NIBAN3: variants seen among roughly 807,000 people sequenced by gnomAD.
NIBAN3 encodes the protein protein Niban 3.
A neutral mutation model predicts 76.4 loss-of-function variants in NIBAN3; 66 were observed. That is an observed-to-expected ratio of 0.86 (90% confidence interval 0.71 to 1.06). The LOEUF (loss-of-function observed/expected upper bound fraction) is 1.06, where lower values mean the gene tolerates loss of function less well. Among genes scored for constraint, NIBAN3 ranks in the 50% least tolerant of loss-of-function variants. The pLI, the probability that NIBAN3 is intolerant of heterozygous loss-of-function variation, is 0.00. For missense variants in NIBAN3, 808 were observed against 810.7 expected (o/e 1.00, Z 0.04); for synonymous variants, 360 against 355.2 (o/e 1.01, Z -0.15).
rs1473884680 is a variant in NIBAN3, at chr19:17,539,220, A to C, written c.666A>C (p.Gln222His). 1.9e-6 allele frequency: 3 copies of C among 1,609,016 alleles called. No individual in the cohort carries two copies. The African/African-American group carries it at 4.0e-5, about 21-fold the overall frequency. The change falls in exon 6 of 15, where the codon CAA becomes CAC. Residue 222 changes from glutamine to histidine, a missense_variant. By Grantham distance (24) the Gln-to-His change is conservative. Coordinates refer to ENST00000599164, the MANE Select transcript of NIBAN3 (RefSeq NM_001321827.2). ...LDAVRLYRQH[Q>H]GHFGDDDVTL... is the part of the protein sequence containing the mutation. ...CCGTCCGACTCTACCGGCAGCACCA[A>C]GGCCACTTTGGCGACGACGACGTGA...
intron 12 of NIBAN3, among the ~76,000 whole-genome samples, chr19:17,544,718 C>T (rs1335493770): frequency 6.6e-6 from 1 of 152,166 alleles, no homozygotes; most frequent in Non-Finnish European, 1.5e-5. Flanking sequence ...TCCTAGGTAC[C>T]TAGGCACACA....
rs1318606916 is a variant in NIBAN3 at position 17,543,447 on chromosome 19, G to A, written c.1446+14G>A. ...CGCGTGCTGAAGGTGTGTTCTGTGG[G>A]TACGGGGTGGCATGGGGTGGCAGTG... On this transcript the variant is annotated intron_variant, in intron 11 of 14. Coordinates refer to ENST00000599164, the MANE Select transcript of NIBAN3 (RefSeq NM_001321827.2). The A allele has an allele frequency of 1.2e-6, 2 of 1,611,578 alleles. No homozygotes were observed. Among genetic ancestry groups the A allele is most frequent in the African/African-American group, 1.3e-5 (1 of 74,874 alleles).
intron 14 of NIBAN3, chr19:17,549,942 G>A (rs755511708): frequency 4.8e-5 from 17 of 353,102 alleles, no homozygotes; most frequent in East Asian, 9.0e-5. Flanking sequence ...TCAGCCTCCC[G>A]AGTAGCTGGG....
intron 3 of NIBAN3, among the ~76,000 whole-genome samples, chr19:17,532,768 T>A (rs2075753190): frequency 6.6e-6 from 1 of 152,092 alleles, no homozygotes; most frequent in Non-Finnish European, 1.5e-5. Flanking sequence ...CATGTAGGGC[T>A]TTGAGGGTTC....
chr19:17,540,228 C>A, intron 8 of NIBAN3, 164 bp from the exon 9 acceptor site: 1 of 483,510 alleles, frequency 2.1e-6, no homozygotes, highest in Non-Finnish European at 3.5e-6. Flanking sequence ...GGTGGGAATC[C>A]TGACTGGGCC....
upstream of NIBAN3, among the ~76,000 whole-genome samples, chr19:17,523,843 G>A (rs766595235): frequency 1.2e-4 from 19 of 152,142 alleles, no homozygotes; most frequent in Non-Finnish European, 2.5e-4. Flanking sequence ...TGCTGAGCCC[G>A]CTGCCCGGTA....
intron 1 of NIBAN3, among the ~76,000 whole-genome samples, chr19:17,527,721 A>G (rs552324872): frequency 2.0e-5 from 3 of 148,674 alleles, no homozygotes; most frequent in Admixed American, 6.7e-5. Flanking sequence ...TAATTATTTC[A>G]TTGGTTGTTT....
At position 17,539,182 on chromosome 19, in the gene NIBAN3, G is replaced by C; in HGVS notation, c.628G>C (p.Ala210Pro). ...GCGAAGCCAGGCCCCTGCTGCCCGG[G>C]CCTTCCTGGACGCCGTCCGACTCTA... ...LQRSQAPAAR[A>P]FLDAVRLYRQ... The change falls in exon 6 of 15, where the codon GCC (alanine) becomes CCC (proline). Residue 210 changes from alanine (A) to proline (P), a missense_variant. Ala to Pro is a conservative substitution (Grantham distance 27). Transcript: ENST00000599164. The C allele has an allele frequency of 6.2e-7, 1 of 1,603,430 alleles. No individual in the cohort carries two copies. The highest frequency in any genetic ancestry group is 8.5e-7 in the Non-Finnish European group (1 of 1,175,624).
At chr19:17,545,180 A>G (rs1466016666) in intron 12 of NIBAN3, 6 of 143,388 alleles carry the variant, frequency 4.2e-5, no homozygotes, top group Non-Finnish European at 8.7e-5. Flanking sequence ...ATTTTATTTT[A>G]TTTTATTTTA....
chr19:17,533,829 C>T (rs1057455602), intron 4 of NIBAN3, 128 bp downstream of exon 4: 11 of 681,098 alleles, frequency 1.6e-5, no homozygotes, highest in Non-Finnish European at 2.5e-5. Flanking sequence ...CCCTGGCTTC[C>T]ACCCACTCCC....
chr19:17,540,447 G>T lies in NIBAN3; in HGVS notation c.1035G>T (p.Leu345=). 2 of 1,568,008 alleles carry T rather than the reference G, an allele frequency of 1.3e-6. No homozygotes were observed. The highest frequency in any genetic ancestry group is 1.7e-6 in the Non-Finnish European group (2 of 1,156,760). Residue 345 remains leucine (L), a synonymous_variant, in exon 9 of 15, where the codon CTG becomes CTT. Transcript: ENST00000599164. ...SCLRREVDPQ[L]PRVVQTLLRT... ...TGCGCCGGGAGGTGGACCCGCAGCT[G>T]CCCCGGGTCGTGCAGACCCTGCTGC...
At position 17,539,141 on chromosome 19, in the gene NIBAN3, C is replaced by T; in HGVS notation, c.596-9C>T. 1.3e-6 allele frequency: 2 copies of T among 1,569,444 alleles called. No homozygotes were observed. On this transcript the variant is annotated splice_polypyrimidine_tract_variant and intron_variant, in intron 5 of 14. Coordinates refer to ENST00000599164, the MANE Select transcript of NIBAN3 (RefSeq NM_001321827.2). ...CTACCAGCAGGCACTGAGGAGCAGC[C>T]CCTCTCAGTCCTGCAGCGAAGCCAG...
chr19:17,536,588 T>C (rs542547984), intron 4 of NIBAN3, among the ~76,000 whole-genome samples: 125 of 152,212 alleles, frequency 8.2e-4, no homozygotes, highest in African/African-American at 2.8e-3. Flanking sequence ...CATATACTTA[T>C]GTTTTTAATA....
intron 4 of NIBAN3, among the ~76,000 whole-genome samples, 168 bp from the exon 5 acceptor site, chr19:17,537,208 A>G (rs1428996753): frequency 6.6e-6 from 1 of 152,180 alleles, no homozygotes; most frequent in Non-Finnish European, 1.5e-5. Context: ...GCCTCCCCCA[A>G]AACTGTGCCC....
At chr19:17,538,704 G>GGAGAAAGGAAAGAAAAAGAA (rs2075872459) in intron 5 of NIBAN3, among the ~76,000 whole-genome samples, 1 of 39,616 alleles carries the variant, frequency 2.5e-5, no homozygotes, top group African/African-American at 6.4e-5. Flanking sequence ...AAAAAGAAAA[G>GGAGAAAGGAAAGAAAAAGAA]AAAGGAGAAA....
chr19:17,525,060 G>T (rs1463907540), upstream of NIBAN3, among the ~76,000 whole-genome samples: 1 of 152,020 alleles, frequency 6.6e-6, no homozygotes, highest in Non-Finnish European at 1.5e-5. Flanking sequence ...TCTATTCATC[G>T]ATGACCTGCC....
At chr19:17,528,784 C>T (rs1017551402) in intron 1 of NIBAN3, among the ~76,000 whole-genome samples, 9 of 151,900 alleles carry the variant, frequency 5.9e-5, no homozygotes, top group African/African-American at 1.2e-4. Context: ...TGGCACAGAA[C>T]GGCTGCTGGA....
Position 17,542,360 on chromosome 19 carries a change from A to T in NIBAN3, c.1329+66A>T, listed in dbSNP as rs940953011. ...GACAGCCTCCACTGACCTCCTGCTA[A>T]GTGTGCCCTGGAGAGACCACGATGA... On this transcript the variant is annotated intron_variant, in intron 10 of 14. Transcript: ENST00000599164. This position sits in a 1 kb window ranked among gnomAD's most constrained non-coding sequence, Gnocchi z 4.8. The T allele has an allele frequency of 2.0e-6, 3 of 1,508,348 alleles. No individual in the cohort carries two copies. Among genetic ancestry groups the T allele is most frequent in the African/African-American group, 2.8e-5 (2 of 72,072 alleles). The allele number at this position is 1,508,348 out of a possible 1,614,324, so 93.4% of individuals were successfully genotyped here.
intron 13 of NIBAN3, 35 bp downstream of exon 13, chr19:17,546,832 G>T (rs1244569289): frequency 6.4e-7 from 1 of 1,560,486 alleles, no homozygotes; most frequent in Non-Finnish European, 8.7e-7. Context: ...AGAGGAGCCT[G>T]GCGTCCCTTG....
Sources: allele counts gnomAD v4.1 joint callset (sites outside exome capture counted in the v4.1 genomes callset), GRCh38; gene constraint gnomAD v4.1.1; non-coding constraint Gnocchi (gnomAD v3.1); transcripts MANE v1.5; gene names NCBI Gene and HGNC (gene_info 2026-07-23, HGNC 2026-07-21).